Variants in LUC7L2 observed in about 807,000 individuals in gnomAD.
LUC7L2 encodes the protein putative RNA-binding protein Luc7-like 2.
LUC7L2 carries 25 observed loss-of-function variants against 52.8 expected under a neutral mutation model. That is an observed-to-expected ratio of 0.47 (90% confidence interval 0.34 to 0.66). The LOEUF (loss-of-function observed/expected upper bound fraction) is 0.66. Among genes scored for constraint, LUC7L2 ranks in the 30% least tolerant of loss-of-function variants. The pLI is 0.01. For synonymous variants in LUC7L2, 144 were observed against 160.9 expected (o/e 0.89, Z 0.80); for missense variants, 328 against 497.8 (o/e 0.66, Z 3.25).
At chr7:139,376,765 T>A (rs1195332015) in intron 2 of LUC7L2, among the ~76,000 whole-genome samples, 1 of 152,156 alleles carries the variant, frequency 6.6e-6, no homozygotes, top group Non-Finnish European at 1.5e-5. Flanking sequence ...TTCTCTGAAT[T>A]TTGGATTTGG....
intron 1 of LUC7L2, among the ~76,000 whole-genome samples, chr7:139,341,718 G>C (rs769410289): frequency 3.4e-5 from 5 of 146,076 alleles, no homozygotes; most frequent in Middle Eastern, 3.5e-3. Flanking sequence ...AGGACCAGCG[G>C]GGGGGGGCGC....
intron 1 of LUC7L2, among the ~76,000 whole-genome samples, chr7:139,346,961 C>T (rs117748614): frequency 0.012 from 1,802 of 152,282 alleles, 18 homozygotes; most frequent in Middle Eastern, 0.037. Context: ...CGTCTGTCTC[C>T]ACTGCCTCTG....
intron 3 of LUC7L2, among the ~76,000 whole-genome samples, chr7:139,400,953 T>C (rs1023594867): frequency 6.6e-6 from 1 of 152,240 alleles, no homozygotes; most frequent in Non-Finnish European, 1.5e-5. Context: ...ATTCAATGTG[T>C]GCTGAATAAA....
chr7:139,354,492 G>A (rs1379227508), intron 1 of LUC7L2, among the ~76,000 whole-genome samples: 1 of 152,148 alleles, frequency 6.6e-6, no homozygotes, highest in Non-Finnish European at 1.5e-5. Flanking sequence ...CTCCGGAGTA[G>A]CTGGGATTAC....
intron 1 of LUC7L2, among the ~76,000 whole-genome samples, chr7:139,372,058 A>T (rs117431389): frequency 6.6e-6 from 1 of 152,156 alleles, no homozygotes; most frequent in Non-Finnish European, 1.5e-5. Flanking sequence ...AAAATGAAAA[A>T]CACCTCACTT....
chr7:139,393,087 T>A (rs1585109931), intron 2 of LUC7L2, among the ~76,000 whole-genome samples: 1 of 151,988 alleles, frequency 6.6e-6, no homozygotes, highest in Admixed American at 6.6e-5. Flanking sequence ...GCCAACATGA[T>A]GAAACCCCAA....
intron 4 of LUC7L2, among the ~76,000 whole-genome samples, chr7:139,402,667 T>C (rs1481128511): frequency 2.6e-5 from 4 of 152,166 alleles, no homozygotes; most frequent in African/African-American, 9.7e-5. Context: ...GGATTACAGG[T>C]GTGCGTCACC....
intron 2 of LUC7L2, among the ~76,000 whole-genome samples, chr7:139,381,649 T>C (rs928332282): frequency 5.3e-5 from 8 of 151,788 alleles, no homozygotes; most frequent in African/African-American, 7.3e-5. Flanking sequence ...TGATCTCGGC[T>C]CACTGCAACC....
chr7:139,419,148 G>A (rs932329959), intron 9 of LUC7L2, among the ~76,000 whole-genome samples: 1 of 144,680 alleles, frequency 6.9e-6, no homozygotes, highest in African/African-American at 2.6e-5. Context: ...AAAACAAAAA[G>A]TCTCCTATGT....
intron 7 of LUC7L2, 138 bp downstream of exon 7, chr7:139,409,792 G>T (rs1396887391): frequency 7.9e-7 from 1 of 1,269,600 alleles, no homozygotes; most frequent in East Asian, 2.7e-5. Context: ...AAATATTACT[G>T]TGCGAATTAT....
intron 1 of LUC7L2, among the ~76,000 whole-genome samples, chr7:139,344,133 G>GA (rs36006914): frequency 6.6e-6 from 1 of 152,000 alleles, no homozygotes; most frequent in Non-Finnish European, 1.5e-5. Flanking sequence ...GTATGATGAA[G>GA]AAAAAAGGTT....
chr7:139,395,195 A>C (rs1046810206), intron 2 of LUC7L2, among the ~76,000 whole-genome samples: 5 of 152,212 alleles, frequency 3.3e-5, no homozygotes, highest in African/African-American at 7.2e-5. Flanking sequence ...TAATTTCAGA[A>C]ACGTACTGCC....
intron 8 of LUC7L2, among the ~76,000 whole-genome samples, chr7:139,415,054 GTTTTTTT>G (rs1171809951): frequency 3.1e-4 from 17 of 54,178 alleles, no homozygotes; most frequent in East Asian, 2.7e-3. Context: ...GCCCTGCTAA[GTTTTTTT>G]TTTTTTTTTT....
At chr7:139,344,820 A>T (rs1764731266) in intron 1 of LUC7L2, 1 of 145,604 alleles carries the variant, frequency 6.9e-6, no homozygotes, top group South Asian at 2.1e-4. Context: ...CTCCCGCCTC[A>T]GCCTCCTGAG....
In LUC7L2 at chr7:139,412,031, T is replaced by A. The variant is rs577914916; in HGVS notation, c.780-520T>A. Among the ~76,000 whole-genome samples the A allele has an allele frequency of 4.9e-4, 75 of 152,042 alleles. 1 individual carries two copies. The highest frequency in any genetic ancestry group is 1.2e-4 in the Non-Finnish European group (8 of 67,972). ...GCTGGCAGCATTTAAAGGAGATGCT[T>A]ATTAGGGCATTTCAGATTTTGGTTT... On this transcript the variant is annotated intron_variant, in intron 7 of 9. Coordinates refer to ENST00000354926, the MANE Select transcript of LUC7L2 (RefSeq NM_016019.5).
intron 2 of LUC7L2, among the ~76,000 whole-genome samples, chr7:139,390,807 C>T (rs1025335015): frequency 2.6e-5 from 4 of 152,172 alleles, no homozygotes; most frequent in Admixed American, 1.3e-4. Flanking sequence ...TCGCCCGTCT[C>T]GGCCTCCCAA....
At chr7:139,419,581 T>G (rs759909965) in intron 9 of LUC7L2, among the ~76,000 whole-genome samples, 5 of 152,242 alleles carry the variant, frequency 3.3e-5, no homozygotes, top group African/African-American at 4.8e-5. Flanking sequence ...CATTTTCCTG[T>G]GTCAAATCTG....
chr7:139,360,459 C>A (rs1417057152), intron 1 of LUC7L2, 137 bp downstream of exon 1: 13 of 723,402 alleles, frequency 1.8e-5, no homozygotes, highest in Admixed American at 2.9e-5. Context: ...TCCCCGTCCC[C>A]CGTCCCATCC....
At chr7:139,381,081 C>G (rs1442045072) in intron 2 of LUC7L2, among the ~76,000 whole-genome samples, 2 of 151,956 alleles carry the variant, frequency 1.3e-5, no homozygotes, top group African/African-American at 4.8e-5. Flanking sequence ...CTCATATCTT[C>G]TAGTGTAAAG....
Sources: gnomAD v4.1 joint callset for allele counts (sites outside exome capture counted in the v4.1 genomes callset) on GRCh38, gnomAD v4.1.1 for gene constraint, MANE v1.5 for transcripts, NCBI Gene and HGNC (gene_info 2026-07-23, HGNC 2026-07-21) for gene names.